KDM1B: variants seen among roughly 807,000 people sequenced by gnomAD.
KDM1B encodes lysine demethylase 1B, also known as lysine-specific histone demethylase 2.
Under a neutral mutation model 107.4 loss-of-function variants are expected in KDM1B, and 63 were observed. That is an observed-to-expected ratio of 0.59 (90% CI 0.48 to 0.72). The LOEUF is 0.72. KDM1B is among the 30% of genes least tolerant of loss of function. The pLI, the probability that KDM1B is intolerant of heterozygous loss-of-function variation, is 0.00. For synonymous variants in KDM1B, 363 were observed against 363.9 expected (o/e 1.00, Z 0.03); for missense variants, 749 against 1,020.8 (o/e 0.73, Z 3.63).
At chr6:18,173,820 C>G (rs1785817396) in intron 7 of KDM1B, among the ~76,000 whole-genome samples, 1 of 152,048 alleles carries the variant, frequency 6.6e-6, no homozygotes, top group African/African-American at 2.4e-5. Context: ...GAGTCTTGCT[C>G]TGTTGCCCAG....
rs771559853 is a variant in KDM1B at position 18,159,852 on chromosome 6, A to G, written c.-13-31A>G. 4.2e-5 allele frequency: 48 copies of G among 1,141,156 alleles called. No individual in the cohort carries two copies. The highest frequency in any genetic ancestry group is 6.0e-5 in the Non-Finnish European group (45 of 755,668). The allele number at this position is 1,141,156 out of a possible 1,614,324, so 70.7% of individuals were successfully genotyped here. A position where few individuals can be genotyped will look rare whatever the true frequency, so the allele number is the denominator to read the frequency against. ...ACTGTTAAAAATATTTGCAGATGCTAATATTTAATGGTCTGATTTTTCTTT... is the reference window on the plus strand; with the variant it reads ...ACTGTTAAAAATATTTGCAGATGCTGATATTTAATGGTCTGATTTTTCTTT... On this transcript the variant is annotated intron_variant, in intron 2 of 21. Coordinates refer to ENST00000650836, the MANE Select transcript of KDM1B (RefSeq NM_001364614.2). This position sits in a 1 kb window ranked among gnomAD's most constrained non-coding sequence, Gnocchi z 4.5.
At chr6:18,189,849 A>G (rs958849572) in intron 9 of KDM1B, among the ~76,000 whole-genome samples, 5 of 152,130 alleles carry the variant, frequency 3.3e-5, no homozygotes, top group African/African-American at 4.8e-5. Flanking sequence ...GAAAAATGCC[A>G]TAAGAGTTAT....
rs11323463 is a variant in KDM1B, at chr6:18,203,852, C to CAAA, written c.1532-1669_1532-1667dup. On this transcript the variant is annotated intron_variant, in intron 14 of 21. Coordinates refer to ENST00000650836, the MANE Select transcript of KDM1B (RefSeq NM_001364614.2). This position sits in a 1 kb window ranked among gnomAD's most constrained non-coding sequence, Gnocchi z 5.5. ...TTGATGACAAGCGAAACTCCGTCTC[C>CAAA]AAAAAAAAAAAAAAAAAATCACATT... 2.4e-4 allele frequency among the ~76,000 whole-genome samples: 31 copies of CAAA among 131,684 alleles called. No homozygotes were observed. The highest frequency in any genetic ancestry group is 9.7e-4 in the South Asian group (4 of 4,124). 86.4% of individuals were successfully genotyped at this position (131,684 alleles called of 152,430 possible). A position where few individuals can be genotyped will look rare whatever the true frequency, so the allele number is the denominator to read the frequency against.
At chr6:18,218,286 A>G (rs1436588337) in intron 21 of KDM1B, among the ~76,000 whole-genome samples, 2 of 151,760 alleles carry the variant, frequency 1.3e-5, no homozygotes, top group South Asian at 2.1e-4. Context: ...AAGCCTGGCT[A>G]ATTTTTTTTT....
chr6:18,162,649 A>C lies in KDM1B; in HGVS notation c.216-186A>C, dbSNP rs531883961. 6.6e-6 allele frequency among the ~76,000 whole-genome samples: 1 copy of C among 152,312 alleles called. No individual in the cohort carries two copies. The highest frequency in any genetic ancestry group is 2.1e-4 in the South Asian group (1 of 4,830). The stretch of plus-strand genomic sequence containing the variant: ...CAGCTAGGTTAGGTCCCATGGCCTA[A>C]GTCCCTGCATCCTTCCTGTGTGTTA... On this transcript the variant is annotated intron_variant, in intron 4 of 21. Coordinates refer to ENST00000650836, the MANE Select transcript of KDM1B (RefSeq NM_001364614.2). The surrounding 1 kb of genome is among the most constrained non-coding windows in gnomAD (Gnocchi z 4.1).
rs1451639093 is a variant in KDM1B, at chr6:18,172,019, A to G, written c.534+540A>G. ...TAGTTTTGGTTTGTTTCGTTTTTAT[A>G]TAATGATGTTGACACCATAAATGCA... is the stretch of plus-strand genomic sequence containing the variant. On this transcript the variant is annotated intron_variant, in intron 7 of 21. Coordinates refer to ENST00000650836, the MANE Select transcript of KDM1B (RefSeq NM_001364614.2). The surrounding 1 kb of genome is among the most constrained non-coding windows in gnomAD (Gnocchi z 5.2). 6.6e-6 allele frequency among the ~76,000 whole-genome samples: 1 copy of G among 152,186 alleles called. No homozygotes were observed. The highest frequency in any genetic ancestry group is 1.5e-5 in the Non-Finnish European group (1 of 68,038).
In KDM1B at chr6:18,191,220, C is replaced by T; in HGVS notation, c.808C>T (p.Gln270Ter). ...AGTTCCAGGCATGAACCGATACTTC[C>T]AGCCTTTCTACCAGCCCAATGAGTG... ...VHVPGMNRYF[Q>*]PFYQPNECGK... Residue 270 changes from glutamine to a stop codon, truncating the protein, a stop_gained, in exon 10 of 22, where the codon CAG becomes TAG. Coordinates refer to ENST00000650836, the MANE Select transcript of KDM1B (RefSeq NM_001364614.2). LOFTEE classifies it high-confidence loss of function. The surrounding 1 kb of genome is among the most constrained non-coding windows in gnomAD (Gnocchi z 5.1). The T allele has an allele frequency of 6.4e-7, 1 of 1,550,500 alleles. No individual in the cohort carries two copies. Among genetic ancestry groups the T allele is most frequent in the Non-Finnish European group, 8.7e-7 (1 of 1,146,976 alleles).
At chr6:18,175,825 A>C (rs947106834) in intron 7 of KDM1B, among the ~76,000 whole-genome samples, 3 of 152,166 alleles carry the variant, frequency 2.0e-5, no homozygotes, top group Non-Finnish European at 4.4e-5. Context: ...TCATTGGTCT[A>C]TGTGCCTATT....
rs1784958977 is a variant in KDM1B at position 18,161,338 on chromosome 6, A to G, written c.99A>G (p.Lys33=). The G allele has an allele frequency of 1.9e-6, 3 of 1,613,966 alleles. No individual in the cohort carries two copies. The highest frequency in any genetic ancestry group is 2.5e-6 in the Non-Finnish European group (3 of 1,179,940). ...TGTGACTCCCTTAGGCGAAGAAGAA[A>G]GCAACAGAGACAACAGATGAGGATG... ...LRSSGRQAKK[K]ATETTDEDED... The change falls in exon 4 of 22, where the codon AAA becomes AAG. Residue 33 remains lysine (K), a synonymous_variant. Coordinates refer to ENST00000650836, the MANE Select transcript of KDM1B (RefSeq NM_001364614.2).
rs1318080275 is a variant in KDM1B, at chr6:18,214,053, C to T, written c.2109+272C>T. 1.3e-5 allele frequency among the ~76,000 whole-genome samples: 2 copies of T among 152,094 alleles called. No homozygotes were observed. The highest frequency in any genetic ancestry group is 6.6e-5 in the Admixed American group (1 of 15,264). Reference sequence around the variant, plus strand: ...CATTTCAGGCTATGGGGGAATTCCTCTTAGGTGAAGTTGGAGACATCAGAG... The same window carrying T: ...CATTTCAGGCTATGGGGGAATTCCTTTTAGGTGAAGTTGGAGACATCAGAG... On this transcript the variant is annotated intron_variant, in intron 19 of 21. Coordinates refer to ENST00000650836, the MANE Select transcript of KDM1B (RefSeq NM_001364614.2). This position sits in a 1 kb window ranked among gnomAD's most constrained non-coding sequence, Gnocchi z 4.4.
chr6:18,216,369 C>T (rs1561957718), intron 20 of KDM1B, among the ~76,000 whole-genome samples: 1 of 152,206 alleles, frequency 6.6e-6, no homozygotes, highest in Non-Finnish European at 1.5e-5. Flanking sequence ...GTGTGAGCCA[C>T]TGTATGGCCA....
In KDM1B at chr6:18,179,849, CCTTTTTTTTTTTTTTTTT is replaced by C. The variant is rs1269913491; in HGVS notation, c.535-5922_535-5905del. 3.1e-5 allele frequency among the ~76,000 whole-genome samples: 3 copies of C among 96,236 alleles called. 1 individual carries two copies. The highest frequency in any genetic ancestry group is 3.2e-4 in the East Asian group (1 of 3,118). 63.1% of individuals were successfully genotyped at this position (96,236 alleles called of 152,430 possible). A position where few individuals can be genotyped will look rare whatever the true frequency, so the allele number is the denominator to read the frequency against. On this transcript the variant is annotated intron_variant, in intron 7 of 21. Coordinates refer to ENST00000650836, the MANE Select transcript of KDM1B (RefSeq NM_001364614.2). ...TTTCAATTTAGCATTGGTTTTTTTT[CCTTTTTTTTTTTTTTTTT>C]TTTTTTTTTTTCATAAGGCAGGGTC...
At chr6:18,210,862 C>T (rs1037948449) in intron 17 of KDM1B, among the ~76,000 whole-genome samples, 6 of 151,970 alleles carry the variant, frequency 3.9e-5, no homozygotes, top group Admixed American at 2.0e-4. Flanking sequence ...ATCTGGGCAT[C>T]GTGCTGCACA....
rs1786979293 is a variant in KDM1B at position 18,187,857 on chromosome 6, C to T, written c.639C>T (p.Asp213=). The part of the protein sequence containing the change: ...SMLILPPLLK[D]SVAAPLLSAY... ...TCATCCTACCTCCTTTGCTGAAAGA[C>T]AGTGTGGCAGCGCCCCTGCTGTCTG... The change falls in exon 9 of 22, where the codon GAC becomes GAT. Residue 213 remains aspartate, a synonymous_variant. Transcript: ENST00000650836. The T allele has an allele frequency of 6.4e-7, 1 of 1,550,514 alleles. No individual in the cohort carries two copies. Among genetic ancestry groups the T allele is most frequent in the Non-Finnish European group, 8.7e-7 (1 of 1,146,972 alleles).
At chr6:18,192,129 G>T (rs1787319397) in intron 10 of KDM1B, among the ~76,000 whole-genome samples, 1 of 152,052 alleles carries the variant, frequency 6.6e-6, no homozygotes, top group Non-Finnish European at 1.5e-5. Flanking sequence ...ATGTGTGGTG[G>T]CACATGCCCA....
intron 20 of KDM1B, among the ~76,000 whole-genome samples, chr6:18,216,513 T>C (rs983040570): frequency 1.3e-5 from 2 of 152,356 alleles, no homozygotes; most frequent in Admixed American, 6.5e-5. Flanking sequence ...ATATTGTTTA[T>C]CGTGTTGCTT....
At position 18,214,650 on chromosome 6, in the gene KDM1B, C is replaced by T. The variant is rs1441072242; in HGVS notation, c.2110-357C>T. Among the ~76,000 whole-genome samples, 1 of 152,212 alleles carries T rather than the reference C, an allele frequency of 6.6e-6. No individual in the cohort carries two copies. The highest frequency in any genetic ancestry group is 1.5e-5 in the Non-Finnish European group (1 of 68,040). The stretch of plus-strand genomic sequence containing the variant: ...CTTGGCCGGGTACAGTGGCTCACGC[C>T]TGTAATCCCAGCACTTTGGGAGGCC... On this transcript the variant is annotated intron_variant, in intron 19 of 21. Coordinates refer to ENST00000650836, the MANE Select transcript of KDM1B (RefSeq NM_001364614.2). This position sits in a 1 kb window ranked among gnomAD's most constrained non-coding sequence, Gnocchi z 4.4.
rs1348151879 is a variant in KDM1B at position 18,200,320 on chromosome 6, A to G, written c.1222-119A>G. 1.9e-6 allele frequency: 2 copies of G among 1,031,756 alleles called. No homozygotes were observed. Among genetic ancestry groups the G allele is most frequent in the African/African-American group, 3.2e-5 (2 of 62,068 alleles). 63.9% of individuals were successfully genotyped at this position (1,031,756 alleles called of 1,614,324 possible). A position where few individuals can be genotyped will look rare whatever the true frequency, so the allele number is the denominator to read the frequency against. ...GCTTTTTAAAGTTGTTTTTTTAGAA[A>G]TATTTGGAATTAACCAAATATAGAG... On this transcript the variant is annotated intron_variant, in intron 12 of 21. Coordinates refer to ENST00000650836, the MANE Select transcript of KDM1B (RefSeq NM_001364614.2). This position sits in a 1 kb window ranked among gnomAD's most constrained non-coding sequence, Gnocchi z 4.3.
rs548936965 is a variant in KDM1B, at chr6:18,203,080, A to G, written c.1531+1423A>G. Among the ~76,000 whole-genome samples the G allele has an allele frequency of 9.5e-4, 145 of 152,262 alleles. 4 individuals carry two copies. In the South Asian group the frequency reaches 0.03, roughly 31 times the overall value. ...TCATTACATGTCTTTCAGAGTCACC[A>G]TATAAAAATGTTTAATGATAATGCT... On this transcript the variant is annotated intron_variant, in intron 14 of 21. Transcript: ENST00000650836. This position sits in a 1 kb window ranked among gnomAD's most constrained non-coding sequence, Gnocchi z 5.5.
Sources: gnomAD v4.1 joint callset for allele counts (sites outside exome capture counted in the v4.1 genomes callset) on GRCh38, gnomAD v4.1.1 for gene constraint, Gnocchi (gnomAD v3.1) non-coding constraint, MANE v1.5 for transcripts, NCBI Gene and HGNC (gene_info 2026-07-23, HGNC 2026-07-21) for gene names.